MYO9A: variants seen among roughly 807,000 people sequenced by gnomAD.
The protein encoded by MYO9A is unconventional myosin-IXa.
MYO9A carries 103 observed loss-of-function variants against 293.3 expected under a neutral mutation model. That is an observed-to-expected ratio of 0.35 (90% confidence interval 0.30 to 0.41). The LOEUF (loss-of-function observed/expected upper bound fraction) is 0.41. Among genes scored for constraint, MYO9A ranks in the 10% least tolerant of loss-of-function variants. The pLI is 1.00. For synonymous variants in MYO9A, 1,001 were observed against 1,035.7 expected, an observed-to-expected ratio of 0.97 and a Z score of 0.64; for missense variants, 2,685 against 3,033.0, an observed-to-expected ratio of 0.89 and a Z score of 2.69.
intron 14 of MYO9A, chr15:71,958,666 T>C (rs1048380603): frequency 2.6e-5 from 4 of 152,192 alleles, no homozygotes; most frequent in East Asian, 1.9e-4. Flanking sequence ...CTTTTGTATA[T>C]GCATGTTATG....
intron 16 of MYO9A, among the ~76,000 whole-genome samples, chr15:71,937,882 G>A (rs563097363): frequency 4.5e-4 from 69 of 152,224 alleles, no homozygotes; most frequent in Non-Finnish European, 6.2e-4. Context: ...CACAGGTCAA[G>A]GTTAACTATC....
In MYO9A at chr15:71,938,921, G is replaced by A. The variant is rs759490481; in HGVS notation, c.2309C>T (p.Thr770Ile). The change falls in exon 16 of 42, where the codon ACC (threonine) becomes ATC (isoleucine). Residue 770 changes from threonine to isoleucine, a missense_variant. Transcript: ENST00000356056. ...AAGAGGTGTTCTGGGATTTTTCCGG[G>A]TTATACCTAGCAAAATTTAAAAAAC... ...QRCKEEKYSI[T>I]RKNPRTPLSD... is the part of the protein sequence containing the mutation. The A allele has an allele frequency of 6.2e-7, 1 of 1,606,392 alleles. No homozygotes were observed. The highest frequency in any genetic ancestry group is 1.7e-5 in the Admixed American group (1 of 58,768).
chr15:71,853,470 A>T (rs1183384313), intron 35 of MYO9A, among the ~76,000 whole-genome samples: 2 of 152,192 alleles, frequency 1.3e-5, no homozygotes, highest in African/African-American at 4.8e-5. Flanking sequence ...CAAAGTCAGT[A>T]ACTGCCTGTA....
intron 1 of MYO9A, among the ~76,000 whole-genome samples, chr15:72,079,024 A>G (rs2150334984): frequency 6.6e-6 from 1 of 152,310 alleles, no homozygotes; most frequent in African/African-American, 2.4e-5. Context: ...ACTATTCTCT[A>G]TGATACTGTA....
At chr15:71,833,793 C>A (rs1290541063) in intron 39 of MYO9A, among the ~76,000 whole-genome samples, 1 of 151,794 alleles carries the variant, frequency 6.6e-6, no homozygotes, top group Non-Finnish European at 1.5e-5. Flanking sequence ...TTAAAACAAA[C>A]CATGGTCAAA....
chr15:71,897,464 G>T lies in MYO9A; in HGVS notation c.5039C>A (p.Pro1680His), dbSNP rs763561605. 39 of 1,602,560 alleles carry T rather than the reference G, an allele frequency of 2.4e-5. No homozygotes were observed. Among genetic ancestry groups the T allele is most frequent in the Non-Finnish European group, 3.3e-5 (39 of 1,173,446 alleles). The change falls in exon 25 of 42, where the codon CCC becomes CAC. Residue 1680 changes from proline to histidine, a missense_variant. Coordinates refer to ENST00000356056, the MANE Select transcript of MYO9A (RefSeq NM_006901.4). Reference sequence around the variant, plus strand: ...CATAAATAAACATTTCACTTACAGGGGAATACTCATATTGTCCTTTGGAGT... The same window carrying T: ...CATAAATAAACATTTCACTTACAGGTGAATACTCATATTGTCCTTTGGAGT... ...FFTPKDNMSI[P>H]LVSKEALNSK...
chr15:71,893,034 G>C (rs1200915539), intron 26 of MYO9A: 17 of 1,289,826 alleles, frequency 1.3e-5, no homozygotes, highest in Non-Finnish European at 1.7e-5. Flanking sequence ...GAGAAGCTTG[G>C]TCAAGGGAGA....
At position 72,064,182 on chromosome 15, in the gene MYO9A, G is replaced by A. The variant is rs184815470; in HGVS notation, c.-71-17548C>T. On this transcript the variant is annotated intron_variant, in intron 1 of 41. Transcript: ENST00000356056. ...AGGCTGGGAAGAGTAGTAAAGGGGCGGAGGAAAGTGGGGATGGTTAATGGG... is the reference window on the plus strand; with the variant it reads ...AGGCTGGGAAGAGTAGTAAAGGGGCAGAGGAAAGTGGGGATGGTTAATGGG... Among the ~76,000 whole-genome samples, 14 of 152,254 alleles carry A rather than the reference G, an allele frequency of 9.2e-5. No homozygotes were observed. In the East Asian group the frequency reaches 2.3e-3, roughly 25 times the overall value.
intron 6 of MYO9A, among the ~76,000 whole-genome samples, chr15:72,016,443 A>G (rs1031350663): frequency 6.6e-6 from 1 of 152,234 alleles, no homozygotes; most frequent in Non-Finnish European, 1.5e-5. Flanking sequence ...GGTACCTTGT[A>G]AAAAGCAATT....
intron 41 of MYO9A, 50 bp downstream of exon 41, chr15:71,827,834 C>A: frequency 6.4e-7 from 1 of 1,556,610 alleles, no homozygotes; most frequent in South Asian, 1.2e-5. Flanking sequence ...AATCTTTATT[C>A]CTCCTTTGCA....
At chr15:72,014,558 C>T (rs989537567) in intron 6 of MYO9A, among the ~76,000 whole-genome samples, 1 of 152,026 alleles carries the variant, frequency 6.6e-6, no homozygotes, top group Admixed American at 6.6e-5. Flanking sequence ...TGGTGCCGGG[C>T]ACCTGTAATC....
intron 26 of MYO9A, chr15:71,890,762 C>T (rs2142992441): frequency 6.6e-6 from 1 of 152,200 alleles, no homozygotes; most frequent in South Asian, 2.1e-4. Context: ...TTGTGAATGT[C>T]TTTATCCCAT....
At chr15:71,889,211 C>A (rs1009794740) in intron 26 of MYO9A, among the ~76,000 whole-genome samples, 10 of 152,048 alleles carry the variant, frequency 6.6e-5, no homozygotes, top group African/African-American at 2.4e-4. Context: ...AGCTTGAGTA[C>A]TAATCAACAC....
chr15:71,910,182 A>ATATATATAT (rs1567260909), intron 19 of MYO9A, among the ~76,000 whole-genome samples: 5 of 145,734 alleles, frequency 3.4e-5, no homozygotes, highest in African/African-American at 5.0e-5. Flanking sequence ...ATATATATAT[A>ATATATATAT]AAATCAGAAA....
chr15:71,953,703 C>A (rs963209856), intron 14 of MYO9A: 1 of 151,918 alleles, frequency 6.6e-6, no homozygotes, highest in Non-Finnish European at 1.5e-5. Context: ...GCTTTCTATA[C>A]CTTTTTACAG....
chr15:72,002,209 G>C (rs568543424), intron 8 of MYO9A, among the ~76,000 whole-genome samples: 10 of 151,784 alleles, frequency 6.6e-5, no homozygotes, highest in African/African-American at 2.2e-4. Flanking sequence ...CTGCATCCCA[G>C]CCTGGAGCTA....
At chr15:72,074,274 G>C (rs35773391) in intron 1 of MYO9A, among the ~76,000 whole-genome samples, 6,734 of 152,072 alleles carry the variant, frequency 0.044, 262 homozygotes, top group East Asian at 0.18. Context: ...TACTAAACAA[G>C]AAACTAATAA....
intron 10 of MYO9A, among the ~76,000 whole-genome samples, chr15:71,994,227 T>C (rs1465398728): frequency 6.6e-6 from 1 of 152,074 alleles, no homozygotes; most frequent in Non-Finnish European, 1.5e-5. Context: ...ACAGAGAGCA[T>C]GATTCTATTT....
At chr15:71,904,186 G>A in intron 20 of MYO9A, 147 bp from the exon 21 acceptor site, 1 of 645,854 alleles carries the variant, frequency 1.5e-6, no homozygotes, top group Non-Finnish European at 2.7e-6. Flanking sequence ...ATTAAGGCAA[G>A]CTCACCTCTC....
Sources: allele counts gnomAD v4.1 joint callset (sites outside exome capture counted in the v4.1 genomes callset), GRCh38; gene constraint gnomAD v4.1.1; transcripts MANE v1.5; gene names NCBI Gene and HGNC (gene_info 2026-07-23, HGNC 2026-07-21).